Variants in TMEM204 observed in about 807,000 individuals in gnomAD.
TMEM204 encodes claudin-like protein 24.
TMEM204 carries 15 observed loss-of-function variants against 19.4 expected under a neutral mutation model. The observed-to-expected ratio is 0.77, with a 90% CI of 0.52 to 1.19. The LOEUF is 1.19. Among genes scored for constraint, TMEM204 ranks in the 50% most tolerant of loss-of-function variants. TMEM204 has a pLI of 0.00. For synonymous variants in TMEM204, 161 were observed against 146.0 expected, an observed-to-expected ratio of 1.10 and a Z score of -0.74; for missense variants, 287 against 321.2, an observed-to-expected ratio of 0.89 and a Z score of 0.81.
chr16:1,540,212 TG>T (rs1231838025), intron 1 of TMEM204, among the ~76,000 whole-genome samples: 2 of 152,152 alleles, frequency 1.3e-5, no homozygotes, highest in African/African-American at 4.8e-5. Flanking sequence ...AAGGGCCAGG[TG>T]GGAAGCAGAT....
At chr16:1,532,666 A>G (rs2030629515), upstream of TMEM204, 1 of 152,274 alleles carries the variant, frequency 6.6e-6, no homozygotes. Flanking sequence ...AACAGTTTGC[A>G]CGGATGTGGG....
rs754246477 is a variant in TMEM204 at position 1,534,447 on chromosome 16, G to A, written c.172G>A (p.Gly58Arg). ...CTGGCTGGTGGACAGGACCCGGGGAGGGCCGAGCCCTGGGGCCAGAGCCGG... is the reference window on the plus strand; with the variant it reads ...CTGGCTGGTGGACAGGACCCGGGGAAGGCCGAGCCCTGGGGCCAGAGCCGG... ...SCWLVDRTRG[G>R]PSPGARAGQV... The change falls in exon 1 of 3, where the codon GGG (glycine) becomes AGG (arginine). Residue 58 changes from glycine to arginine, a missense_variant. Transcript: ENST00000566264. The A allele has an allele frequency of 1.9e-6, 3 of 1,611,552 alleles. No homozygotes were observed. Among genetic ancestry groups the A allele is most frequent in the African/African-American group, 2.7e-5 (2 of 74,942 alleles).
At chr16:1,544,862 A>G (rs1186921328) in intron 2 of TMEM204, among the ~76,000 whole-genome samples, 6 of 151,442 alleles carry the variant, frequency 4.0e-5, no homozygotes, top group African/African-American at 9.7e-5. Context: ...GTTAGCCAGG[A>G]TGGTCTCGAT....
At chr16:1,554,729 T>C in intron 2 of TMEM204, 53 bp from the exon 3 acceptor site, 1 of 1,594,364 alleles carries the variant, frequency 6.3e-7, no homozygotes, top group Non-Finnish European at 8.6e-7. Flanking sequence ...GGGGAAGGAG[T>C]GGAACCCGCC....
chr16:1,534,674 C>A, intron 1 of TMEM204, 119 bp downstream of exon 1: 1 of 1,438,316 alleles, frequency 7.0e-7, no homozygotes, highest in South Asian at 1.2e-5. Flanking sequence ...CTGCCCTGAG[C>A]GTGGCCTCTG....
intron 1 of TMEM204, among the ~76,000 whole-genome samples, chr16:1,538,960 A>G (rs911007190): frequency 1.3e-5 from 2 of 152,188 alleles, no homozygotes; most frequent in African/African-American, 4.8e-5. Flanking sequence ...AACCCAGGGC[A>G]AAAGCGCCCC....
At chr16:1,536,486 G>C (rs142898762) in intron 1 of TMEM204, among the ~76,000 whole-genome samples, 267 of 152,350 alleles carry the variant, frequency 1.8e-3, no homozygotes, top group Non-Finnish European at 3.1e-3. Flanking sequence ...GGCATCTGCA[G>C]GTGGCTGACC....
chr16:1,541,557 G>T, intron 1 of TMEM204: 1 of 961,978 alleles, frequency 1.0e-6, no homozygotes, highest in South Asian at 4.8e-5. Context: ...GTTGCTGGTG[G>T]GCTTCCCCTT....
In TMEM204 at chr16:1,542,045, G is replaced by A. The variant is rs1362800564; in HGVS notation, c.405G>A (p.Glu135=). 2 of 1,610,500 alleles carry A rather than the reference G, an allele frequency of 1.2e-6. No individual in the cohort carries two copies. The highest frequency in any genetic ancestry group is 1.7e-6 in the Non-Finnish European group (2 of 1,179,158). Residue 135 remains glutamate (E), a synonymous_variant, in exon 2 of 3, where the codon GAG becomes GAA. Transcript: ENST00000566264. The stretch of plus-strand genomic sequence containing the variant: ...TGTCACCCGACGCCCCGTGCTGGGA[G>A]GAGGCCATGGCCGCTGCATTCCAAC... ...PLLSPDAPCW[E]EAMAAAFQLA...
In TMEM204 at chr16:1,533,757, G is replaced by A. The variant is rs535796872; in HGVS notation, c.-519G>A. The A allele has an allele frequency of 1.7e-4, 29 of 175,730 alleles. No individual in the cohort carries two copies. Among genetic ancestry groups the A allele is most frequent in the Non-Finnish European group, 3.1e-4 (26 of 84,740 alleles). The allele number at this position is 175,730 out of a possible 1,614,324, so 10.9% of individuals were successfully genotyped here. A position where few individuals can be genotyped will look rare whatever the true frequency, so the allele number is the denominator to read the frequency against. On this transcript the variant is annotated 5_prime_UTR_variant, in exon 1 of 3. Transcript: ENST00000566264. The surrounding 1 kb of genome is among the most constrained non-coding windows in gnomAD (Gnocchi z 4.7). Reference sequence around the variant, plus strand: ...CTCTGCTTTCCAGGACCGGCCAACTGCCCTGGAGGCATCCACACAGGGGCC... The same window carrying A: ...CTCTGCTTTCCAGGACCGGCCAACTACCCTGGAGGCATCCACACAGGGGCC...
chr16:1,550,177 C>T (rs2032517401), intron 2 of TMEM204, among the ~76,000 whole-genome samples: 1 of 151,974 alleles, frequency 6.6e-6, no homozygotes, highest in Non-Finnish European at 1.5e-5. Context: ...CGGGCTCAAG[C>T]AATCTGTCCA....
At chr16:1,539,355 C>T (rs1230925370) in intron 1 of TMEM204, among the ~76,000 whole-genome samples, 1 of 152,268 alleles carries the variant, frequency 6.6e-6, no homozygotes, top group Non-Finnish European at 1.5e-5. Context: ...CCGCCCCACG[C>T]CTTAGGCCTC....
intron 2 of TMEM204, among the ~76,000 whole-genome samples, chr16:1,544,760 T>C (rs2032006132): frequency 6.6e-6 from 1 of 152,000 alleles, no homozygotes; most frequent in Admixed American, 6.5e-5. Flanking sequence ...GCCATTCTCC[T>C]GCCTCAGCCT....
Position 1,542,031 on chromosome 16 carries a change from G to A in TMEM204, c.391G>A (p.Ala131Thr), listed in dbSNP as rs746733374. ...LVGLPLLSPDAPCWEEAMAAA... is the reference protein window; with the variant it reads ...LVGLPLLSPDTPCWEEAMAAA... ...GGGCCTGCCCCTGCTGTCACCCGACGCCCCGTGCTGGGAGGAGGCCATGGC... is the reference window on the plus strand; with the variant it reads ...GGGCCTGCCCCTGCTGTCACCCGACACCCCGTGCTGGGAGGAGGCCATGGC... Residue 131 changes from alanine to threonine, a missense_variant, in exon 2 of 3, where the codon GCC (alanine) becomes ACC (threonine). Ala to Thr is a moderately conservative substitution (Grantham distance 58). Transcript: ENST00000566264. The A allele has an allele frequency of 9.3e-6, 15 of 1,610,906 alleles. No homozygotes were observed. The highest frequency in any genetic ancestry group is 1.3e-5 in the African/African-American group (1 of 74,906).
Position 1,553,022 on chromosome 16 carries a change from T to C in TMEM204, c.437-1760T>C. 1.0e-6 allele frequency: 1 copy of C among 985,388 alleles called. No homozygotes were observed. The highest frequency in any genetic ancestry group is 1.2e-6 in the Non-Finnish European group (1 of 829,916). 61.0% of individuals were successfully genotyped at this position (985,388 alleles called of 1,614,324 possible). A position where few individuals can be genotyped will look rare whatever the true frequency, so the allele number is the denominator to read the frequency against. The stretch of plus-strand genomic sequence containing the variant: ...ATGTATAAGAAGCTCCATGAAGTAT[T>C]ATAAAGAATGAACACAGAAACCAGT... On this transcript the variant is annotated intron_variant, in intron 2 of 2. Transcript: ENST00000566264. The surrounding 1 kb of genome is among the most constrained non-coding windows in gnomAD (Gnocchi z 4.4).
chr16:1,528,980 C>G (rs2030139740), upstream of TMEM204, among the ~76,000 whole-genome samples: 1 of 152,182 alleles, frequency 6.6e-6, no homozygotes, highest in African/African-American at 2.4e-5. Flanking sequence ...AGGGCAATGG[C>G]TCCGAGATGG....
chr16:1,530,929 C>A (rs1296165763), upstream of TMEM204: 3 of 152,420 alleles, frequency 2.0e-5, no homozygotes, highest in African/African-American at 7.2e-5. Flanking sequence ...CGCCCTCCTA[C>A]AGGCCCCTGC....
intron 2 of TMEM204, among the ~76,000 whole-genome samples, chr16:1,543,058 G>A (rs1005572334): frequency 5.3e-5 from 8 of 152,226 alleles, no homozygotes; most frequent in Non-Finnish European, 1.2e-4. Flanking sequence ...TGAAGACTGT[G>A]GGCATCTGGG....
At chr16:1,549,846 C>A (rs2032487957) in intron 2 of TMEM204, among the ~76,000 whole-genome samples, 2 of 152,236 alleles carry the variant, frequency 1.3e-5, no homozygotes, top group Non-Finnish European at 2.9e-5. Context: ...CTGTTTACAC[C>A]TGATCTGCCA....
Sources: gnomAD v4.1 joint callset for allele counts (sites outside exome capture counted in the v4.1 genomes callset) on GRCh38, gnomAD v4.1.1 for gene constraint, Gnocchi (gnomAD v3.1) non-coding constraint, MANE v1.5 for transcripts, NCBI Gene and HGNC (gene_info 2026-07-23, HGNC 2026-07-21) for gene names.